The following GBP7 variants were observed in gnomAD, a reference collection of about 807,000 sequenced individuals.
The protein encoded by GBP7 is guanylate binding protein 7, also known as guanylate-binding protein 7.
A neutral mutation model predicts 61.3 loss-of-function variants in GBP7; 43 were observed. The ratio of observed to expected loss-of-function variants is 0.70; its 90% CI spans 0.55 to 0.91. The LOEUF (loss-of-function observed/expected upper bound fraction) is 0.91. GBP7 is among the 40% of genes least tolerant of loss of function. The pLI is 0.00. For missense variants in GBP7, 717 were observed against 740.5 expected (o/e 0.97, Z 0.37); for synonymous variants, 267 against 271.0 (o/e 0.99, Z 0.14).
At chr1:89,170,934 A>G (rs1214161751) in intron 2 of GBP7, among the ~76,000 whole-genome samples, 1 of 152,358 alleles carries the variant, frequency 6.6e-6, no homozygotes, top group Non-Finnish European at 1.5e-5. Context: ...GCTAATGCAC[A>G]TGTCCCCACC....
At chr1:89,138,912 A>C (rs544533741) in intron 9 of GBP7, among the ~76,000 whole-genome samples, 6 of 152,168 alleles carry the variant, frequency 3.9e-5, no homozygotes, top group Non-Finnish European at 8.8e-5. Flanking sequence ...AATGGGAGAA[A>C]ATATCTGCAA....
intron 1 of GBP7, among the ~76,000 whole-genome samples, chr1:89,174,768 T>A (rs550165604): frequency 6.6e-6 from 1 of 152,168 alleles, no homozygotes; most frequent in Non-Finnish European, 1.5e-5. Flanking sequence ...ATTTTTGACT[T>A]GATTATGTTA....
At chr1:89,160,200 G>A (rs2100654887) in intron 3 of GBP7, among the ~76,000 whole-genome samples, 1 of 152,258 alleles carries the variant, frequency 6.6e-6, no homozygotes, top group South Asian at 2.1e-4. Context: ...ATCACACACT[G>A]GGGCCTGCTG....
chr1:89,174,243 TA>T (rs771563460), intron 1 of GBP7, among the ~76,000 whole-genome samples: 3 of 152,224 alleles, frequency 2.0e-5, no homozygotes, highest in Non-Finnish European at 4.4e-5. Context: ...TTTATATTGT[TA>T]CAGGAGTAAT....
chr1:89,165,300 G>C (rs1647393706), intron 2 of GBP7, among the ~76,000 whole-genome samples: 1 of 152,104 alleles, frequency 6.6e-6, no homozygotes, highest in Admixed American at 6.5e-5. Flanking sequence ...AGAAGATAGA[G>C]ACCATCCTGG....
At position 89,144,546 on chromosome 1, in the gene GBP7, CTA is replaced by C. The variant is rs771277956; in HGVS notation, c.1366-2900_1366-2899del. On this transcript the variant is annotated intron_variant, in intron 8 of 10. Transcript: ENST00000294671. ...TTCTCTACAACCTCACCAGTATGTG[CTA>C]TTTTTCCCTTTTTAATAATATAGGC... Among the ~76,000 whole-genome samples, 3 of 152,200 alleles carry C rather than the reference CTA, an allele frequency of 2.0e-5. No individual in the cohort carries two copies. In the South Asian group the frequency reaches 6.2e-4, roughly 32 times the overall value.
At position 89,152,282 on chromosome 1, in the gene GBP7, A is replaced by G. The variant is rs764704107; in HGVS notation, c.611T>C (p.Leu204Ser). ...ITEDEYLENA[L>S]KLISGKNPQI... The stretch of plus-strand genomic sequence containing the variant: ...TGCTCTGATACCTGAAATCAGCTTC[A>G]AGGCATTCTCCAGGTACTCATCTTC... Residue 204 changes from leucine (L) to serine (S), a missense_variant, in exon 5 of 11, where the codon TTG (leucine) becomes TCG (serine). Leu to Ser is a moderately radical substitution (Grantham distance 145). This residue lies in a region of GBP7 where 387 missense variants were observed against 385.2 expected (regional missense o/e 1.00). Coordinates refer to ENST00000294671, the MANE Select transcript of GBP7 (RefSeq NM_207398.3). 6.2e-7 allele frequency: 1 copy of G among 1,614,000 alleles called. No individual in the cohort carries two copies. The highest frequency in any genetic ancestry group is 8.5e-7 in the Non-Finnish European group (1 of 1,179,914).
rs373756356 is a variant in GBP7 at position 89,153,235 on chromosome 1, T to A, written c.319-458A>T. On this transcript the variant is annotated intron_variant, in intron 3 of 10. Transcript: ENST00000294671. ...TAGGACTTAAGAGTCTCCTTTTGAT[T>A]CATTCACTTATTAATTCATTCATTT... is the stretch of plus-strand genomic sequence containing the variant. Among the ~76,000 whole-genome samples the A allele has an allele frequency of 5.9e-5, 9 of 152,218 alleles. 1 individual carries two copies. The East Asian group carries it at 7.7e-4, about 13-fold the overall frequency.
chr1:89,149,532 G>A lies in GBP7; in HGVS notation c.912C>T (p.Asn304=). 1 of 1,614,118 alleles carries A rather than the reference G, an allele frequency of 6.2e-7. No individual in the cohort carries two copies. The highest frequency in any genetic ancestry group is 8.5e-7 in the Non-Finnish European group (1 of 1,179,980). Residue 304 remains asparagine (N), a synonymous_variant, in exon 7 of 11, where the codon AAC becomes AAT. Transcript: ENST00000294671. The part of the protein sequence containing the change: ...MLVETYLDAI[N]SGATPCLENA... ...TCTCCAGACAAGGAGTCGCTCCACT[G>A]TTGATGGCATCCAGGTAGGTCTCCA... is the stretch of plus-strand genomic sequence containing the variant.
At chr1:89,173,163 T>G (rs948219843) in intron 1 of GBP7, among the ~76,000 whole-genome samples, 6 of 152,154 alleles carry the variant, frequency 3.9e-5, no homozygotes, top group Admixed American at 2.0e-4. Flanking sequence ...ATCCCTAGAA[T>G]CTAACATTTC....
chr1:89,147,859 T>G, intron 7 of GBP7, 80 bp from the exon 8 acceptor site: 1 of 1,427,976 alleles, frequency 7.0e-7, no homozygotes, highest in Non-Finnish European at 9.8e-7. Context: ...TTGGAAGAAG[T>G]AGTCTCATGG....
At chr1:89,146,631 G>T (rs1464957597) in intron 8 of GBP7, among the ~76,000 whole-genome samples, 1 of 151,958 alleles carries the variant, frequency 6.6e-6, no homozygotes, top group South Asian at 2.1e-4. Context: ...ATGAGCAAAA[G>T]ACCTGAACAG....
intron 10 of GBP7, 23 bp downstream of exon 10, chr1:89,133,235 T>C: frequency 1.2e-6 from 2 of 1,601,522 alleles, no homozygotes; most frequent in East Asian, 2.2e-5. Context: ...CCTCAAGCAC[T>C]GCCAAGCTTC....
At chr1:89,168,811 CAA>C (rs1553127034) in intron 2 of GBP7, among the ~76,000 whole-genome samples, 1 of 151,012 alleles carries the variant, frequency 6.6e-6, no homozygotes, top group Non-Finnish European at 1.5e-5. Flanking sequence ...ACAACAACAA[CAA>C]AAAACGGTAG....
At chr1:89,164,473 A>G (rs368777882) in intron 3 of GBP7, among the ~76,000 whole-genome samples, 1 of 152,352 alleles carries the variant, frequency 6.6e-6, no homozygotes, top group East Asian at 1.9e-4. Context: ...TATAGCACAC[A>G]GCCCTAGACT....
intron 3 of GBP7, among the ~76,000 whole-genome samples, chr1:89,156,592 G>C (rs1013439842): frequency 2.0e-5 from 3 of 152,064 alleles, no homozygotes; most frequent in African/African-American, 7.2e-5. Flanking sequence ...AACAAACAAA[G>C]ACTGAAAGAG....
intron 3 of GBP7, among the ~76,000 whole-genome samples, chr1:89,162,426 A>G (rs1024682057): frequency 1.3e-5 from 2 of 152,132 alleles, no homozygotes; most frequent in African/African-American, 4.8e-5. Flanking sequence ...ATGTTTTTCC[A>G]TTTATTTGTG....
chr1:89,137,431 G>C (rs1681832353), intron 9 of GBP7, among the ~76,000 whole-genome samples: 1 of 152,036 alleles, frequency 6.6e-6, no homozygotes, highest in Admixed American at 6.6e-5. Flanking sequence ...ACCAAATCCA[G>C]CAGCACATTA....
At chr1:89,175,849 TG>T (rs2100666116) in intron 1 of GBP7, 71 bp downstream of exon 1, 1 of 152,300 alleles carries the variant, frequency 6.6e-6, no homozygotes, top group South Asian at 2.1e-4. Context: ...CAGCCTATCT[TG>T]GGGATGGTCA....
Sources: allele counts gnomAD v4.1 joint callset (sites outside exome capture counted in the v4.1 genomes callset), GRCh38; gene constraint gnomAD v4.1.1; regional missense constraint gnomAD v4.1.1; transcripts MANE v1.5; gene names NCBI Gene and HGNC (gene_info 2026-07-23, HGNC 2026-07-21).